Variants in COPE observed in about 807,000 individuals in gnomAD.
COPE encodes the protein coatomer subunit epsilon.
Under a neutral mutation model 42.1 loss-of-function variants are expected in COPE, and 19 were observed. The observed-to-expected ratio is 0.45, with a 90% confidence interval of 0.31 to 0.66. COPE has a LOEUF of 0.66. COPE is among the 30% of genes least tolerant of loss of function. The pLI is 0.05. For missense variants in COPE, 402 were observed against 416.1 expected (o/e 0.97, Z 0.30); for synonymous variants, 195 against 181.3 (o/e 1.08, Z -0.60).
intron 3 of COPE, 79 bp downstream of exon 3, chr19:18,910,892 C>T: frequency 1.6e-6 from 2 of 1,283,932 alleles, no homozygotes; most frequent in East Asian, 2.3e-5. Context: ...ACGCCATGCC[C>T]CCACCCACCC....
At chr19:18,905,183 A>T (rs1296159310) in intron 5 of COPE, among the ~76,000 whole-genome samples, 1 of 151,968 alleles carries the variant, frequency 6.6e-6, no homozygotes. Context: ...GGGCTTTGGA[A>T]ACGGCAGCAG....
rs781700062 is a variant in COPE at position 18,903,346 on chromosome 19, G to T, written c.657C>A (p.Leu219=). The change falls in exon 7 of 10, where the codon CTC becomes CTA. Residue 219 remains leucine (L), a synonymous_variant. Transcript: ENST00000262812. ...ADKCSPTLLL[L]NGQAACHMAQ... is the part of the protein sequence containing the mutation. ...CCATGTGGCAGGCCGCCTGCCCATT[G>T]AGCAGCAGCAGGGTGGGCGAGCACT... 1.2e-6 allele frequency: 2 copies of T among 1,612,744 alleles called. No homozygotes were observed. The highest frequency in any genetic ancestry group is 3.3e-5 in the Admixed American group (2 of 59,948).
intron 1 of COPE, 136 bp downstream of exon 1, chr19:18,919,087 C>G: frequency 2.4e-6 from 2 of 834,788 alleles, no homozygotes; most frequent in Non-Finnish European, 3.8e-6. Flanking sequence ...CTACTCCTCA[C>G]TGAACTGTGG....
intron 2 of COPE, 158 bp from the exon 3 acceptor site, chr19:18,911,229 G>T: frequency 1.5e-6 from 1 of 651,598 alleles, no homozygotes; most frequent in Non-Finnish European, 2.8e-6. Context: ...GTGGAGGGTG[G>T]CATGGCGTCA....
chr19:18,912,228 T>C (rs936989865), intron 2 of COPE, among the ~76,000 whole-genome samples: 1 of 151,230 alleles, frequency 6.6e-6, no homozygotes, highest in Non-Finnish European at 1.5e-5. Flanking sequence ...CTCACTGTAA[T>C]CTTGACCTCC....
chr19:18,900,039 A>T, intron 8 of COPE, 92 bp from the exon 9 acceptor site: 1 of 1,121,000 alleles, frequency 8.9e-7, no homozygotes, highest in Non-Finnish European at 1.3e-6. Context: ...GGTGAGAGCC[A>T]CAGTACCCCA....
chr19:18,899,935 A>G lies in COPE; in HGVS notation c.817T>C (p.Tyr273His). The change falls in exon 9 of 10, where the codon TAC becomes CAC. Residue 273 changes from tyrosine (Y) to histidine (H), a missense_variant. Coordinates refer to ENST00000262812, the MANE Select transcript of COPE (RefSeq NM_007263.4). ...LGKPPEVTNR[Y>H]LSQLKDAHRS... ...TGGGCATCCTTCAGCTGGGACAGGT[A>G]TCGGTTTGTCACCTGCAGGGGAGGC... 1 of 1,613,268 alleles carries G rather than the reference A, an allele frequency of 6.2e-7. No individual in the cohort carries two copies. The highest frequency in any genetic ancestry group is 1.1e-5 in the South Asian group (1 of 91,010).
In COPE at chr19:18,919,267, T is replaced by G. The variant is rs2056890270; in HGVS notation, c.82A>C (p.Ile28Leu). The G allele has an allele frequency of 6.2e-7, 1 of 1,613,828 alleles. No homozygotes were observed. Among genetic ancestry groups the G allele is most frequent in the African/African-American group, 1.3e-5 (1 of 74,956 alleles). ...ELFDVKNAFY[I>L]GSYQQCINEA... ...TTTATGCACTGCTGGTAGCTGCCGA[T>G]GTAGAAGGCGTTCTTTACGTCGAAC... The change falls in exon 1 of 10, where the codon ATC (isoleucine) becomes CTC (leucine). Residue 28 changes from isoleucine (I) to leucine (L), a missense_variant. By Grantham distance (5) the Ile-to-Leu change is conservative. Coordinates refer to ENST00000262812, the MANE Select transcript of COPE (RefSeq NM_007263.4).
In COPE at chr19:18,910,727, G is replaced by A. The variant is rs1367900210; in HGVS notation, c.290+244C>T. ...TCAGAGAGTGCCTTGTGGTCCATGAGGGCGTGTGCACACACAGCACTGTCT... is the reference window on the plus strand; with the variant it reads ...TCAGAGAGTGCCTTGTGGTCCATGAAGGCGTGTGCACACACAGCACTGTCT... On this transcript the variant is annotated intron_variant, in intron 3 of 9. Coordinates refer to ENST00000262812, the MANE Select transcript of COPE (RefSeq NM_007263.4). 15 of 567,314 alleles carry A rather than the reference G, an allele frequency of 2.6e-5. No homozygotes were observed. In the East Asian group the frequency reaches 4.0e-4, roughly 15 times the overall value. The allele number at this position is 567,314 out of a possible 1,614,324, so 35.1% of individuals were successfully genotyped here.
At chr19:18,902,205 C>T (rs2056706076) in intron 7 of COPE, among the ~76,000 whole-genome samples, 1 of 144,492 alleles carries the variant, frequency 6.9e-6, no homozygotes, top group Non-Finnish European at 1.5e-5. Context: ...AAAAATCCAC[C>T]AAGCATGGTG....
chr19:18,904,988 C>A, intron 5 of COPE, 136 bp from the exon 6 acceptor site: 1 of 860,866 alleles, frequency 1.2e-6, no homozygotes, highest in Non-Finnish European at 1.8e-6. Context: ...GCTCATACCC[C>A]ACGACTAAGT....
intron 1 of COPE, among the ~76,000 whole-genome samples, chr19:18,914,882 G>A (rs762801920): frequency 1.8e-4 from 27 of 148,460 alleles, no homozygotes; most frequent in Admixed American, 1.1e-3. Flanking sequence ...TCAGTCTCCC[G>A]AGTAGCCGCG....
intron 1 of COPE, among the ~76,000 whole-genome samples, chr19:18,916,287 A>G (rs1461131008): frequency 3.3e-5 from 5 of 151,906 alleles, no homozygotes; most frequent in South Asian, 2.1e-4. Context: ...CAGGAGGCGG[A>G]GGATGCAGTG....
intron 3 of COPE, among the ~76,000 whole-genome samples, chr19:18,909,183 G>GTTCC (rs757379947): frequency 3.9e-5 from 6 of 152,254 alleles, no homozygotes; most frequent in Non-Finnish European, 8.8e-5. Flanking sequence ...GGGACCCAGG[G>GTTCC]TTCCCTGCCT....
Position 18,910,973 on chromosome 19 carries a change from C to A in COPE, c.288G>T (p.Arg96=). 6.2e-7 allele frequency: 1 copy of A among 1,613,712 alleles called. No homozygotes were observed. Among genetic ancestry groups the A allele is most frequent in the South Asian group, 1.1e-5 (1 of 91,086 alleles). Residue 96 remains arginine (R), a splice_region_variant and synonymous_variant, in exon 3 of 10, where the codon CGG becomes CGT. Coordinates refer to ENST00000262812, the MANE Select transcript of COPE (RefSeq NM_007263.4). ...CAACCCATTCTCTGGGGCCTCACCTCCGACTCTCGTGGGCGAGGTAGTCAG... is the reference window on the plus strand; with the variant it reads ...CAACCCATTCTCTGGGGCCTCACCTACGACTCTCGTGGGCGAGGTAGTCAG... The part of the protein sequence containing the change: ...MFADYLAHES[R]RDSIVAELDR...
chr19:18,905,664 G>C (rs371754480), intron 4 of COPE, 35 bp from the exon 5 acceptor site: 1 of 1,576,244 alleles, frequency 6.3e-7, no homozygotes. Flanking sequence ...TCAGCGGGTC[G>C]CCACAGACAC....
At chr19:18,904,061 G>C (rs977785348) in intron 6 of COPE, among the ~76,000 whole-genome samples, 8 of 152,242 alleles carry the variant, frequency 5.3e-5, no homozygotes, top group African/African-American at 1.9e-4. Flanking sequence ...CACCTCCCGG[G>C]TTCAAGCGAT....
At chr19:18,915,127 G>A (rs1030754487) in intron 1 of COPE, among the ~76,000 whole-genome samples, 7 of 152,194 alleles carry the variant, frequency 4.6e-5, no homozygotes, top group Admixed American at 3.9e-4. Context: ...AGGATCGCTT[G>A]AGCCTGGGAG....
In COPE at chr19:18,899,928, G is replaced by A; in HGVS notation, c.824C>T (p.Ser275Phe). ...KPPEVTNRYL[S>F]QLKDAHRSHP... ...GGACCTGTGGGCATCCTTCAGCTGGGACAGGTATCGGTTTGTCACCTGCAG... is the reference window on the plus strand; with the variant it reads ...GGACCTGTGGGCATCCTTCAGCTGGAACAGGTATCGGTTTGTCACCTGCAG... Residue 275 changes from serine to phenylalanine, a missense_variant, in exon 9 of 10, where the codon TCC (serine) becomes TTC (phenylalanine). Ser to Phe is a radical substitution (Grantham distance 155). Coordinates refer to ENST00000262812, the MANE Select transcript of COPE (RefSeq NM_007263.4). 6.2e-7 allele frequency: 1 copy of A among 1,613,454 alleles called. No homozygotes were observed. Among genetic ancestry groups the A allele is most frequent in the Non-Finnish European group, 8.5e-7 (1 of 1,179,796 alleles).
Sources: allele counts gnomAD v4.1 joint callset (sites outside exome capture counted in the v4.1 genomes callset), GRCh38; gene constraint gnomAD v4.1.1; transcripts MANE v1.5; gene names NCBI Gene and HGNC (gene_info 2026-07-23, HGNC 2026-07-21).